The following FDCSP variants were observed in gnomAD, a reference collection of about 807,000 sequenced individuals.
FDCSP encodes the protein follicular dendritic cell secreted peptide.
Under a neutral mutation model 8.9 loss-of-function variants are expected in FDCSP, and 8 were observed. That is an observed-to-expected ratio of 0.90 (90% CI 0.53 to 1.63). The LOEUF (loss-of-function observed/expected upper bound fraction) is 1.63. FDCSP is among the 40% of genes most tolerant of loss of function. The probability of loss-of-function intolerance (pLI) is 0.00; values close to 1 mark genes in which losing one functional copy is unlikely to be tolerated. For missense variants in FDCSP, 101 were observed against 103.6 expected, an observed-to-expected ratio of 0.98 and a Z score of 0.11; for synonymous variants, 34 against 34.5, an observed-to-expected ratio of 0.98 and a Z score of 0.06.
chr4:70,229,853 A>G (rs1730050600), intron 1 of FDCSP, among the ~76,000 whole-genome samples: 3 of 151,766 alleles, frequency 2.0e-5, no homozygotes, highest in Admixed American at 2.0e-4. Context: ...CATCTTTATA[A>G]TGTCTTATAG....
intron 3 of FDCSP, among the ~76,000 whole-genome samples, chr4:70,233,369 T>A (rs1003480204): frequency 1.3e-5 from 2 of 151,678 alleles, no homozygotes; most frequent in East Asian, 1.9e-4. Context: ...AAGTAAAAAA[T>A]GAAACCTGAG....
intron 4 of FDCSP, 128 bp downstream of exon 4, chr4:70,234,343 T>C: frequency 1.4e-6 from 1 of 728,466 alleles, no homozygotes; most frequent in Non-Finnish European, 2.2e-6. Flanking sequence ...TTTTAATGTT[T>C]TTCTCTGGTA....
chr4:70,234,545 C>T (rs1730142394), intron 4 of FDCSP, among the ~76,000 whole-genome samples: 1 of 151,508 alleles, frequency 6.6e-6, no homozygotes, highest in Non-Finnish European at 1.5e-5. Context: ...ATCAGAGTAA[C>T]CAAGGTGGAG....
intron 3 of FDCSP, among the ~76,000 whole-genome samples, chr4:70,233,545 T>C (rs907510005): frequency 4.0e-5 from 6 of 151,650 alleles, no homozygotes; most frequent in African/African-American, 1.2e-4. Flanking sequence ...AATCCTGTTA[T>C]CTGGAAAGCA....
In FDCSP at chr4:70,234,041, G is replaced by C; in HGVS notation, c.112G>C (p.Ala38Pro). Residue 38 changes from alanine (A) to proline (P), a missense_variant, in exon 4 of 5, where the codon GCT becomes CCT. Transcript: ENST00000317987. ...ACAGATCAGTGACAGCGATGAATTA[G>C]CTTCAGGGTTTTTTGTGTTCCCTTA... ...KRSISDSDEL[A>P]SGFFVFPYPY... 6.2e-7 allele frequency: 1 copy of C among 1,605,106 alleles called. No homozygotes were observed. Among genetic ancestry groups the C allele is most frequent in the Non-Finnish European group, 8.5e-7 (1 of 1,175,448 alleles).
intron 1 of FDCSP, among the ~76,000 whole-genome samples, chr4:70,229,855 G>T (rs1484013911): frequency 6.6e-6 from 1 of 151,500 alleles, no homozygotes; most frequent in Non-Finnish European, 1.5e-5. Context: ...TCTTTATAAT[G>T]TCTTATAGAT....
At chr4:70,234,966 A>G (rs978337912) in intron 4 of FDCSP, 119 bp from the exon 5 acceptor site, 6 of 151,624 alleles carry the variant, frequency 4.0e-5, no homozygotes, top group African/African-American at 9.7e-5. Flanking sequence ...ATGGTTTCCC[A>G]GTCCTTGAAC....
In FDCSP at chr4:70,231,052, A is replaced by T. The variant is rs1560492249; in HGVS notation, c.1-143A>T. 7 of 587,166 alleles carry T rather than the reference A, an allele frequency of 1.2e-5. No homozygotes were observed. The South Asian group carries it at 1.8e-4, about 15-fold the overall frequency. The allele number at this position is 587,166 out of a possible 1,614,324, so 36.4% of individuals were successfully genotyped here. ...GATTGATTCCCTAAGATTGTAAGTG[A>T]CTTGCTCAAACTCAAAGAGCTATTT... is the stretch of plus-strand genomic sequence containing the variant. On this transcript the variant is annotated intron_variant, in intron 1 of 4. Transcript: ENST00000317987.
At position 70,234,050 on chromosome 4, in the gene FDCSP, T is replaced by C. The variant is rs909298108; in HGVS notation, c.121T>C (p.Phe41Leu). 6.2e-7 allele frequency: 1 copy of C among 1,606,114 alleles called. No homozygotes were observed. Among genetic ancestry groups the C allele is most frequent in the Non-Finnish European group, 8.5e-7 (1 of 1,175,842 alleles). The change falls in exon 4 of 5, where the codon TTT becomes CTT. Residue 41 changes from phenylalanine (F) to leucine (L), a missense_variant. Physicochemically the swap from Phe to Leu is conservative, Grantham distance 22 (BLOSUM62 0). Transcript: ENST00000317987. ...ISDSDELASG[F>L]FVFPYPYPFR... ...TGACAGCGATGAATTAGCTTCAGGG[T>C]TTTTTGTGTTCCCTTACCCATATCC...
intron 1 of FDCSP, among the ~76,000 whole-genome samples, chr4:70,229,277 A>G (rs1730040934): frequency 1.3e-5 from 2 of 151,724 alleles, no homozygotes. Context: ...ATTAAAGAGC[A>G]TAGGGGCCTT....
Position 70,234,067 on chromosome 4 carries a change from C to T in FDCSP, c.138C>T (p.Tyr46=), listed in dbSNP as rs1234076860. 4 of 1,610,796 alleles carry T rather than the reference C, an allele frequency of 2.5e-6. No individual in the cohort carries two copies. Among genetic ancestry groups the T allele is most frequent in the African/African-American group, 1.3e-5 (1 of 74,720 alleles). The change falls in exon 4 of 5, where the codon TAC becomes TAT. Residue 46 remains tyrosine, a synonymous_variant. Transcript: ENST00000317987. ...CTTCAGGGTTTTTTGTGTTCCCTTACCCATATCCATTTCGCCCACTTCCAC... is the reference window on the plus strand; with the variant it reads ...CTTCAGGGTTTTTTGTGTTCCCTTATCCATATCCATTTCGCCCACTTCCAC... ...ELASGFFVFP[Y]PYPFRPLPPI... is the part of the protein sequence containing the mutation.
chr4:70,226,424 C>A (rs56946810), intron 1 of FDCSP, among the ~76,000 whole-genome samples: 3,680 of 151,762 alleles, frequency 0.024, 139 homozygotes, highest in African/African-American at 0.082. Context: ...TTTAGAGTGA[C>A]CATAAATGAA....
Position 70,233,045 on chromosome 4 carries a change from T to G in FDCSP, c.90+19T>G. On this transcript the variant is annotated intron_variant, in intron 3 of 4. Coordinates refer to ENST00000317987, the MANE Select transcript of FDCSP (RefSeq NM_152997.4). The stretch of plus-strand genomic sequence containing the variant: ...AAGAAGTGTAAGTTACCTTTTCTCT[T>G]TTTTACATGTAAGTTTTACACGTGA... 6.3e-7 allele frequency: 1 copy of G among 1,585,322 alleles called. No homozygotes were observed.
chr4:70,233,114 C>G, intron 3 of FDCSP, 88 bp downstream of exon 3: 1 of 1,174,620 alleles, frequency 8.5e-7, no homozygotes, highest in Non-Finnish European at 1.2e-6. Context: ...ATCTAAACCT[C>G]CCAAACTGTG....
intron 4 of FDCSP, among the ~76,000 whole-genome samples, chr4:70,234,597 C>A (rs982600968): frequency 2.0e-5 from 3 of 151,390 alleles, no homozygotes; most frequent in Non-Finnish European, 4.4e-5. Flanking sequence ...TTAAAGTAGA[C>A]CAGCTTAGCC....
chr4:70,231,392 C>G (rs908595878), intron 2 of FDCSP, 141 bp downstream of exon 2: 1 of 576,476 alleles, frequency 1.7e-6, no homozygotes, highest in African/African-American at 1.9e-5. Context: ...CGCCTGTATT[C>G]CCTGTAATTT....
chr4:70,229,723 T>A (rs1199904744), intron 1 of FDCSP, among the ~76,000 whole-genome samples: 1 of 151,612 alleles, frequency 6.6e-6, no homozygotes, highest in African/African-American at 2.4e-5. Flanking sequence ...ATTCACAAGA[T>A]TTATCAAATA....
At position 70,234,856 on chromosome 4, in the gene FDCSP, C is replaced by A. The variant is rs540782830; in HGVS notation, c.*29-229C>A. ...TTTAATATATATAATTTAATCTTAT[C>A]TAAGATTAAATTAGAACCCAGAGGA... is the stretch of plus-strand genomic sequence containing the variant. On this transcript the variant is annotated intron_variant, in intron 4 of 4. Transcript: ENST00000317987. Among the ~76,000 whole-genome samples the A allele has an allele frequency of 8.6e-5, 13 of 150,538 alleles. No homozygotes were observed. The East Asian group carries it at 2.1e-3, about 25-fold the overall frequency.
At chr4:70,228,201 A>G (rs983414472) in intron 1 of FDCSP, among the ~76,000 whole-genome samples, 4 of 151,854 alleles carry the variant, frequency 2.6e-5, no homozygotes. Context: ...AGTATTTTAA[A>G]TCATTTACTG....
Sources: allele counts gnomAD v4.1 joint callset (sites outside exome capture counted in the v4.1 genomes callset), GRCh38; gene constraint gnomAD v4.1.1; transcripts MANE v1.5; gene names NCBI Gene and HGNC (gene_info 2026-07-23, HGNC 2026-07-21).